Variants in PODXL observed in about 807,000 individuals in gnomAD.
The protein encoded by PODXL is podocalyxin like.
A neutral mutation model predicts 48.9 loss-of-function variants in PODXL; 20 were observed. The observed-to-expected ratio is 0.41, with a 90% confidence interval of 0.29 to 0.59. PODXL has a LOEUF of 0.59. Ranked by LOEUF, PODXL falls within the 20% of genes least tolerant of loss-of-function variation. The pLI is 0.31. For synonymous variants in PODXL, 295 were observed against 287.4 expected (o/e 1.03, Z -0.27); for missense variants, 606 against 675.1 (o/e 0.90, Z 1.13).
At position 131,506,754 on chromosome 7, in the gene PODXL, C is replaced by T. The variant is rs777810491; in HGVS notation, c.1102-28G>A. 44 of 1,611,590 alleles carry T rather than the reference C, an allele frequency of 2.7e-5. No homozygotes were observed. In the South Asian group the frequency reaches 3.6e-4, roughly 13 times the overall value. On this transcript the variant is annotated intron_variant, in intron 5 of 8. Coordinates refer to ENST00000378555, the MANE Select transcript of PODXL (RefSeq NM_001018111.3). The stretch of plus-strand genomic sequence containing the variant: ...ATGGTGGGGAGAGCGCAGGTGACTC[C>T]GCGGGGAGCGTGACAGCAGCCTAGG...
In PODXL at chr7:131,510,335, GAAAAAAAAAA is replaced by G. The variant is rs56367324; in HGVS notation, c.707-14_707-5del. ...ACATGGTGAAACACTGTCTCTACTT[GAAAAAAAAAA>G]AAAAAAAAAAAAAAAAATTAGCTGG... is the stretch of plus-strand genomic sequence containing the variant. On this transcript the variant is annotated splice_region_variant and splice_polypyrimidine_tract_variant and intron_variant, in intron 2 of 8. Coordinates refer to ENST00000378555, the MANE Select transcript of PODXL (RefSeq NM_001018111.3). The G allele has an allele frequency of 1.9e-3, 156 of 80,074 alleles. 1 individual carries two copies. In the Admixed American group the frequency reaches 0.022, roughly 11 times the overall value. 5.0% of individuals were successfully genotyped at this position (80,074 alleles called of 1,614,324 possible). A position where few individuals can be genotyped will look rare whatever the true frequency, so the allele number is the denominator to read the frequency against.
At chr7:131,504,531 T>C in intron 8 of PODXL, 23 bp from the exon 9 acceptor site, 1 of 1,607,732 alleles carries the variant, frequency 6.2e-7, no homozygotes, top group South Asian at 1.1e-5. Flanking sequence ...AGGTGACCGG[T>C]GAGAAGGGGG....
At chr7:131,519,899 A>AT (rs1190388130) in intron 1 of PODXL, among the ~76,000 whole-genome samples, 1 of 151,852 alleles carries the variant, frequency 6.6e-6, no homozygotes. Context: ...AAATTTTTGT[A>AT]TTTTTTGTAG....
chr7:131,550,826 T>G (rs1361304426), intron 1 of PODXL, among the ~76,000 whole-genome samples: 1 of 151,774 alleles, frequency 6.6e-6, no homozygotes. Context: ...CACACCCACC[T>G]CCTGGAAAGC....
At chr7:131,554,767 C>T (rs1285475316) in intron 1 of PODXL, among the ~76,000 whole-genome samples, 1 of 152,198 alleles carries the variant, frequency 6.6e-6, no homozygotes, top group African/African-American at 2.4e-5. Flanking sequence ...CAGCCCAACG[C>T]CCTTCTGGGT....
rs1562899820 is a variant in PODXL, at chr7:131,502,066, A to G, written c.*2245T>C. 6.6e-6 allele frequency: 1 copy of G among 152,216 alleles called. No homozygotes were observed. Among genetic ancestry groups the G allele is most frequent in the Non-Finnish European group, 1.5e-5 (1 of 68,064 alleles). The allele number at this position is 152,216 out of a possible 1,614,324, so 9.4% of individuals were successfully genotyped here. ...AGTCATCATCTGTCTCCAAGAGGCC[A>G]TAGGGTTGCAGCCTTTGATTGATTT... is the stretch of plus-strand genomic sequence containing the variant. On this transcript the variant is annotated 3_prime_UTR_variant, in exon 9 of 9. Coordinates refer to ENST00000378555, the MANE Select transcript of PODXL (RefSeq NM_001018111.3).
chr7:131,505,391 A>T (rs1445413870), intron 8 of PODXL, among the ~76,000 whole-genome samples: 2 of 152,180 alleles, frequency 1.3e-5, no homozygotes, highest in Non-Finnish European at 2.9e-5. Context: ...TCACACCTGT[A>T]ATCCCAGCAC....
intron 1 of PODXL, among the ~76,000 whole-genome samples, chr7:131,524,377 C>G (rs867378049): frequency 4.6e-4 from 11 of 24,028 alleles, no homozygotes; most frequent in Admixed American, 1.0e-3. Context: ...CACACACACA[C>G]ACAGAGAGAG....
In PODXL at chr7:131,556,482, G is replaced by A. The variant is rs1798750138; in HGVS notation, c.-123C>T. The A allele has an allele frequency of 5.2e-6, 6 of 1,154,304 alleles. No individual in the cohort carries two copies. The highest frequency in any genetic ancestry group is 4.4e-6 in the Non-Finnish European group (4 of 911,868). The allele number at this position is 1,154,304 out of a possible 1,614,324, so 71.5% of individuals were successfully genotyped here. A position where few individuals can be genotyped will look rare whatever the true frequency, so the allele number is the denominator to read the frequency against. ...TGTGGGTGGCTCCGGAGGCCAGGCTGTGGCCCGGGGCTCCCGAGTCGCGCT... is the reference window on the plus strand; with the variant it reads ...TGTGGGTGGCTCCGGAGGCCAGGCTATGGCCCGGGGCTCCCGAGTCGCGCT... On this transcript the variant is annotated 5_prime_UTR_variant, in exon 1 of 9. Coordinates refer to ENST00000378555, the MANE Select transcript of PODXL (RefSeq NM_001018111.3).
intron 1 of PODXL, among the ~76,000 whole-genome samples, chr7:131,518,751 G>A (rs1003620885): frequency 6.6e-6 from 1 of 152,156 alleles, no homozygotes; most frequent in African/African-American, 2.4e-5. Context: ...GTCCAGAAAC[G>A]GCGCCGCTGA....
chr7:131,534,356 C>T (rs1018861365), intron 1 of PODXL, among the ~76,000 whole-genome samples: 6 of 152,322 alleles, frequency 3.9e-5, no homozygotes, highest in East Asian at 1.9e-4. Context: ...GTTTCCTCAC[C>T]GGCTCAGAGA....
chr7:131,504,576 A>G (rs1435925299), intron 8 of PODXL, 68 bp from the exon 9 acceptor site: 2 of 1,312,638 alleles, frequency 1.5e-6, no homozygotes, highest in African/African-American at 2.9e-5. Flanking sequence ...CAGCGCATGT[A>G]CGTACCCCTC....
In PODXL at chr7:131,506,582, G is replaced by A. The variant is rs1346854438; in HGVS notation, c.1246C>T (p.His416Tyr). The part of the protein sequence containing the change: ...QTVVVKEITI[H>Y]TKLPAKDVYE... Reference sequence around the variant, plus strand: ...GGCCCCCTTGCCCTCCACTCACTGTGAATAGTGATTTCTTTGACGACCACG... The same window carrying A: ...GGCCCCCTTGCCCTCCACTCACTGTAAATAGTGATTTCTTTGACGACCACG... The change falls in exon 6 of 9, where the codon CAC becomes TAC. Residue 416 changes from histidine (H) to tyrosine (Y), a missense_variant. Transcript: ENST00000378555. 2 of 1,613,850 alleles carry A rather than the reference G, an allele frequency of 1.2e-6. No homozygotes were observed. Among genetic ancestry groups the A allele is most frequent in the African/African-American group, 2.7e-5 (2 of 74,920 alleles).
intron 1 of PODXL, among the ~76,000 whole-genome samples, chr7:131,518,435 C>T (rs1371733530): frequency 1.3e-5 from 2 of 152,234 alleles, no homozygotes; most frequent in African/African-American, 4.8e-5. Flanking sequence ...GTCATCACTT[C>T]TACCATCATC....
Position 131,510,987 on chromosome 7 carries a change from G to C in PODXL, c.547C>G (p.Pro183Ala), listed in dbSNP as rs200572752. The C allele has an allele frequency of 1.1e-5, 17 of 1,614,144 alleles. No homozygotes were observed. In the Admixed American group the frequency reaches 1.5e-4, roughly 14 times the overall value. The stretch of plus-strand genomic sequence containing the variant: ...TGTCGGGGGCTAAGTGGACTTGTAG[G>C]GTGAGGGGTCGTCAGATGTTCTGCC... ...TKAEHLTTPH[P>A]TSPLSPRQPT... Residue 183 changes from proline to alanine, a missense_variant, in exon 2 of 9, where the codon CCT becomes GCT. By Grantham distance (27) the Pro-to-Ala change is conservative. Coordinates refer to ENST00000378555, the MANE Select transcript of PODXL (RefSeq NM_001018111.3).
chr7:131,542,755 T>A (rs1798503938), intron 1 of PODXL, among the ~76,000 whole-genome samples: 1 of 152,152 alleles, frequency 6.6e-6, no homozygotes, highest in Non-Finnish European at 1.5e-5. Flanking sequence ...ATCCTCCGCC[T>A]TGGATTTCTC....
At chr7:131,535,454 T>C (rs759541809) in intron 1 of PODXL, among the ~76,000 whole-genome samples, 2 of 152,224 alleles carry the variant, frequency 1.3e-5, no homozygotes, top group African/African-American at 4.8e-5. Flanking sequence ...TTTCTCTCCA[T>C]GGCCCTGTGT....
chr7:131,511,023 T>G lies in PODXL; in HGVS notation c.511A>C (p.Thr171Pro), dbSNP rs780359617. Residue 171 changes from threonine to proline, a missense_variant, in exon 2 of 9, where the codon ACA becomes CCA. By Grantham distance (38) the Thr-to-Pro change is conservative. Coordinates refer to ENST00000378555, the MANE Select transcript of PODXL (RefSeq NM_001018111.3). ...KSSHSVTTDL[T>P]STKAEHLTTP... Reference sequence around the variant, plus strand: ...GTCAGATGTTCTGCCTTAGTGGATGTGAGGTCTGTGGTCACACTGTGGCTG... The same window carrying G: ...GTCAGATGTTCTGCCTTAGTGGATGGGAGGTCTGTGGTCACACTGTGGCTG... 2 of 1,614,144 alleles carry G rather than the reference T, an allele frequency of 1.2e-6. No individual in the cohort carries two copies. The highest frequency in any genetic ancestry group is 1.7e-6 in the Non-Finnish European group (2 of 1,180,002).
At chr7:131,555,663 C>G (rs574854364) in intron 1 of PODXL, among the ~76,000 whole-genome samples, 45 of 152,304 alleles carry the variant, frequency 3.0e-4, no homozygotes, top group African/African-American at 9.4e-4. Context: ...GACTCTGGGA[C>G]TGTGGAAGGT....
Sources: gnomAD v4.1 joint callset for allele counts (sites outside exome capture counted in the v4.1 genomes callset) on GRCh38, gnomAD v4.1.1 for gene constraint, MANE v1.5 for transcripts, NCBI Gene and HGNC (gene_info 2026-07-23, HGNC 2026-07-21) for gene names.